UBE2E2: variants seen among roughly 807,000 people sequenced by gnomAD.
UBE2E2 encodes ubiquitin-conjugating enzyme E2 E2.
Under a neutral mutation model 24.7 loss-of-function variants are expected in UBE2E2, and 6 were observed. That is an observed-to-expected ratio of 0.24 (90% CI 0.13 to 0.48). UBE2E2 has a LOEUF of 0.48. UBE2E2 is among the 20% of genes least tolerant of loss of function. The pLI is 0.99. For synonymous variants in UBE2E2, 104 were observed against 83.6 expected (o/e 1.24, Z -1.33); for missense variants, 169 against 245.0 (o/e 0.69, Z 2.07).
intron 3 of UBE2E2, among the ~76,000 whole-genome samples, chr3:23,284,018 A>G (rs1050112398): frequency 1.2e-4 from 18 of 152,182 alleles, no homozygotes; most frequent in African/African-American, 3.4e-4. Context: ...ACATAGAGCA[A>G]TTTGGCCATG....
At chr3:23,456,609 G>T (rs1204951215) in intron 3 of UBE2E2, among the ~76,000 whole-genome samples, 2 of 152,242 alleles carry the variant, frequency 1.3e-5, no homozygotes, top group Non-Finnish European at 2.9e-5. Flanking sequence ...TCAGTGAGCA[G>T]TAGTGTTTTG....
chr3:23,300,620 C>CT (rs1456352324), intron 3 of UBE2E2, among the ~76,000 whole-genome samples: 2 of 152,206 alleles, frequency 1.3e-5, no homozygotes, highest in African/African-American at 4.8e-5. Context: ...TCCCCACTGT[C>CT]TTCTGGCTTG....
intron 3 of UBE2E2, among the ~76,000 whole-genome samples, chr3:23,310,325 T>C (rs962818476): frequency 2.0e-5 from 3 of 148,688 alleles, no homozygotes; most frequent in African/African-American, 7.5e-5. Context: ...ACAAAAATTC[T>C]GCTAATTTGG....
At position 23,457,420 on chromosome 3, in the gene UBE2E2, C is replaced by A. The variant is rs80016780; in HGVS notation, c.228-42188C>A. On this transcript the variant is annotated intron_variant, in intron 3 of 5. Coordinates refer to ENST00000396703, the MANE Select transcript of UBE2E2 (RefSeq NM_152653.4). ...GGGACCCTAAGCTACATTTTGTCTG[C>A]ACTGAAAATCTAGACTTAAATAGCC... Among the ~76,000 whole-genome samples, 85 of 152,308 alleles carry A rather than the reference C, an allele frequency of 5.6e-4. 3 individuals are homozygous for A. In the East Asian group the frequency reaches 0.015, roughly 27 times the overall value.
chr3:23,272,200 C>T (rs971366749), intron 3 of UBE2E2, among the ~76,000 whole-genome samples: 7 of 152,120 alleles, frequency 4.6e-5, no homozygotes, highest in South Asian at 2.1e-4. Flanking sequence ...GGCGAGAGTT[C>T]GAGTGTGGCA....
chr3:23,539,975 G>C (rs1388865750), intron 5 of UBE2E2, among the ~76,000 whole-genome samples: 3 of 152,112 alleles, frequency 2.0e-5, no homozygotes, highest in African/African-American at 7.2e-5. Flanking sequence ...AGAGAAAATG[G>C]TTATTATAAG....
At chr3:23,387,592 A>T (rs1696831960) in intron 3 of UBE2E2, among the ~76,000 whole-genome samples, 1 of 152,214 alleles carries the variant, frequency 6.6e-6, no homozygotes, top group Non-Finnish European at 1.5e-5. Context: ...GTATAAAATT[A>T]GTCCCTGTTA....
intron 3 of UBE2E2, among the ~76,000 whole-genome samples, chr3:23,346,078 T>C (rs958203749): frequency 6.6e-6 from 1 of 152,220 alleles, no homozygotes; most frequent in African/African-American, 2.4e-5. Flanking sequence ...CTTCTTATTT[T>C]TAAGCCCCCC....
chr3:23,483,686 T>C (rs573357152), intron 3 of UBE2E2, among the ~76,000 whole-genome samples: 1 of 152,226 alleles, frequency 6.6e-6, no homozygotes, highest in Non-Finnish European at 1.5e-5. Flanking sequence ...CAGTGCTGCT[T>C]CTTACTGGAC....
At chr3:23,271,637 G>C (rs977527911) in intron 3 of UBE2E2, among the ~76,000 whole-genome samples, 2 of 152,186 alleles carry the variant, frequency 1.3e-5, no homozygotes, top group African/African-American at 4.8e-5. Flanking sequence ...CCCTGAGCTA[G>C]ACACAGAGTG....
chr3:23,325,642 T>C (rs1694866779), intron 3 of UBE2E2, among the ~76,000 whole-genome samples: 5 of 152,248 alleles, frequency 3.3e-5, no homozygotes, highest in Admixed American at 3.3e-4. Context: ...TAAGTAGTTA[T>C]GAACGTCCTC....
intron 3 of UBE2E2, among the ~76,000 whole-genome samples, chr3:23,250,328 G>A (rs1575503612): frequency 6.6e-6 from 1 of 152,122 alleles, no homozygotes; most frequent in East Asian, 1.9e-4. Flanking sequence ...AGGTTCAAAT[G>A]CCTACTCCAG....
At chr3:23,476,893 C>G (rs144958213) in intron 3 of UBE2E2, among the ~76,000 whole-genome samples, 1 of 152,136 alleles carries the variant, frequency 6.6e-6, no homozygotes, top group African/African-American at 2.4e-5. Context: ...ACTGAGGAGT[C>G]CCAGAGTATT....
chr3:23,309,358 A>T (rs1421817365), intron 3 of UBE2E2, among the ~76,000 whole-genome samples: 1 of 152,210 alleles, frequency 6.6e-6, no homozygotes, highest in Admixed American at 6.5e-5. Context: ...TAGTTCACAT[A>T]ACATAGTTAC....
At chr3:23,473,504 G>A (rs1243669086) in intron 3 of UBE2E2, among the ~76,000 whole-genome samples, 2 of 150,070 alleles carry the variant, frequency 1.3e-5, no homozygotes, top group East Asian at 3.9e-4. Context: ...CTTTAGTGGT[G>A]ATTTGTGAGA....
chr3:23,423,389 A>G (rs764304328), intron 3 of UBE2E2, among the ~76,000 whole-genome samples: 9 of 152,242 alleles, frequency 5.9e-5, no homozygotes, highest in Non-Finnish European at 1.2e-4. Context: ...ACTAAAGATA[A>G]GAAATAGATC....
chr3:23,524,744 A>G (rs530863498), intron 4 of UBE2E2, among the ~76,000 whole-genome samples: 182 of 152,266 alleles, frequency 1.2e-3, no homozygotes, highest in African/African-American at 4.2e-3. Flanking sequence ...AACTCTTTCT[A>G]GAATTATTTT....
At chr3:23,232,042 C>T (rs1014423366) in intron 3 of UBE2E2, among the ~76,000 whole-genome samples, 2 of 152,170 alleles carry the variant, frequency 1.3e-5, no homozygotes, top group African/African-American at 4.8e-5. Flanking sequence ...GACCTTATTA[C>T]TTAGGCATGA....
At chr3:23,361,435 C>T (rs1386526484) in intron 3 of UBE2E2, among the ~76,000 whole-genome samples, 3 of 152,114 alleles carry the variant, frequency 2.0e-5, no homozygotes, top group Admixed American at 6.5e-5. Flanking sequence ...AGCTAAGTGC[C>T]CGTTGACCAA....
Sources: allele counts gnomAD v4.1 joint callset (sites outside exome capture counted in the v4.1 genomes callset), GRCh38; gene constraint gnomAD v4.1.1; transcripts MANE v1.5; gene names NCBI Gene and HGNC (gene_info 2026-07-23, HGNC 2026-07-21).